TBC1D10A: variants seen among roughly 807,000 people sequenced by gnomAD.
The protein encoded by TBC1D10A is TBC1 domain family member 10A.
TBC1D10A carries 24 observed loss-of-function variants against 52.9 expected under a neutral mutation model. That is an observed-to-expected ratio of 0.45 (90% CI 0.33 to 0.64). The LOEUF is 0.64. Ranked by LOEUF, TBC1D10A falls within the 30% of genes least tolerant of loss-of-function variation. The pLI is 0.02. For synonymous variants in TBC1D10A, 278 were observed against 282.9 expected, an observed-to-expected ratio of 0.98 and a Z score of 0.17; for missense variants, 602 against 687.9, an observed-to-expected ratio of 0.88 and a Z score of 1.40.
intron 1 of TBC1D10A, among the ~76,000 whole-genome samples, chr22:30,318,001 A>G (rs1271906433): frequency 6.6e-6 from 1 of 152,082 alleles, no homozygotes; most frequent in Non-Finnish European, 1.5e-5. Context: ...CATCACTGAC[A>G]CTCTGACCCT....
chr22:30,298,711 T>TC (rs35696453), intron 3 of TBC1D10A: 9 of 152,140 alleles, frequency 5.9e-5, no homozygotes, highest in Non-Finnish European at 8.8e-5. Context: ...TCCCCATAGT[T>TC]CCCTGGGGGA....
At chr22:30,293,080 C>T (rs927320517) in intron 8 of TBC1D10A, 8 of 621,284 alleles carry the variant, frequency 1.3e-5, no homozygotes, top group Non-Finnish European at 2.3e-5. Flanking sequence ...AAGCTGCCCA[C>T]AGCTTCACGA....
intron 1 of TBC1D10A, among the ~76,000 whole-genome samples, chr22:30,324,606 C>G (rs775215280): frequency 2.0e-5 from 3 of 152,176 alleles, no homozygotes; most frequent in Non-Finnish European, 4.4e-5. Flanking sequence ...ACTCTGCCCA[C>G]AAATACCAGA....
chr22:30,293,750 G>A lies in TBC1D10A; in HGVS notation c.951C>T (p.Ser317=). 2 of 1,613,158 alleles carry A rather than the reference G, an allele frequency of 1.2e-6. No individual in the cohort carries two copies. Among genetic ancestry groups the A allele is most frequent in the Non-Finnish European group, 1.7e-6 (2 of 1,179,612 alleles). Reference sequence around the variant, plus strand: ...CCTGGCAGGCTTTGACCTTCTCAGGGGAGCCCAGCGCGTGCTTCAGCAGCA... The same window carrying A: ...CCTGGCAGGCTTTGACCTTCTCAGGAGAGCCCAGCGCGTGCTTCAGCAGCA... ...GLVLLKHALG[S]PEKVKACQGQ... is the part of the protein sequence containing the mutation. The change falls in exon 8 of 9, where the codon TCC becomes TCT. Residue 317 remains serine (S), a synonymous_variant. Transcript: ENST00000215790.
At chr22:30,322,984 T>TC (rs1930690058) in intron 1 of TBC1D10A, among the ~76,000 whole-genome samples, 1 of 148,380 alleles carries the variant, frequency 6.7e-6, no homozygotes, top group Non-Finnish European at 1.5e-5. Flanking sequence ...TACTGCAACC[T>TC]CCACCTCCTG....
intron 3 of TBC1D10A, chr22:30,296,681 T>C (rs1243842320): frequency 6.6e-6 from 1 of 152,242 alleles, no homozygotes; most frequent in Non-Finnish European, 1.5e-5. Flanking sequence ...TTCTTGGTCA[T>C]TTGAAATGTT....
chr22:30,314,248 C>A (rs773946818), intron 1 of TBC1D10A, among the ~76,000 whole-genome samples: 5 of 152,224 alleles, frequency 3.3e-5, no homozygotes, highest in Non-Finnish European at 5.9e-5. Context: ...GCTGGGTATA[C>A]ACAGCCTTGC....
chr22:30,318,804 A>G (rs1930590307), intron 1 of TBC1D10A: 2 of 441,920 alleles, frequency 4.5e-6, no homozygotes, highest in Non-Finnish European at 4.6e-6. Flanking sequence ...ACTGCCTGCA[A>G]TCCAGCTCCT....
At chr22:30,318,692 A>T (rs1236269754) in intron 1 of TBC1D10A, 2 of 471,202 alleles carry the variant, frequency 4.2e-6, no homozygotes, top group Admixed American at 4.7e-5. Context: ...TCATGAACCA[A>T]GCACTAATGA....
chr22:30,294,094 T>G lies in TBC1D10A; in HGVS notation c.722A>C (p.Asp241Ala). The G allele has an allele frequency of 1.2e-6, 2 of 1,613,658 alleles. No individual in the cohort carries two copies. The highest frequency in any genetic ancestry group is 1.7e-6 in the Non-Finnish European group (2 of 1,179,906). The change falls in exon 7 of 9, where the codon GAC becomes GCC. Residue 241 changes from aspartate (D) to alanine (A), a missense_variant. This residue lies in a region of TBC1D10A where 136 missense variants were observed against 208.4 expected (regional missense o/e 0.65). Coordinates refer to ENST00000215790, the MANE Select transcript of TBC1D10A (RefSeq NM_031937.3). Reference sequence around the variant, plus strand: ...CAACAGCGAGAAAAGGATCTCCCCGTCCAGCTGGATCGCCTCCTAGGGAGA... The same window carrying G: ...CAACAGCGAGAAAAGGATCTCCCCGGCCAGCTGGATCGCCTCCTAGGGAGA... ...YSEKLEAIQL[D>A]GEILFSLLQK...
rs538612312 is a variant in TBC1D10A, at chr22:30,294,694, G to T, written c.705+102C>A. The T allele has an allele frequency of 2.0e-6, 3 of 1,511,194 alleles. No individual in the cohort carries two copies. The East Asian group carries it at 6.9e-5, about 35-fold the overall frequency. 93.6% of individuals were successfully genotyped at this position (1,511,194 alleles called of 1,614,324 possible). ...TTCAGCCTCAAGGCAACAGAAGGCC[G>T]GAAAGTTTTTAACCTGGGCAGGAGT... On this transcript the variant is annotated intron_variant, in intron 6 of 8. Coordinates refer to ENST00000215790, the MANE Select transcript of TBC1D10A (RefSeq NM_031937.3).
intron 1 of TBC1D10A, among the ~76,000 whole-genome samples, chr22:30,322,538 A>G (rs1930676867): frequency 6.8e-6 from 1 of 147,630 alleles, no homozygotes. Context: ...GGTTTCTCAC[A>G]GGCCTCCAGT....
chr22:30,321,727 G>C (rs1930656004), intron 1 of TBC1D10A, among the ~76,000 whole-genome samples: 1 of 152,118 alleles, frequency 6.6e-6, no homozygotes, highest in African/African-American at 2.4e-5. Flanking sequence ...CTCAGCCTCA[G>C]GAGGCCAGAC....
At chr22:30,293,234 AG>A (rs1157191762) in intron 8 of TBC1D10A, 2 of 614,736 alleles carry the variant, frequency 3.3e-6, no homozygotes, top group Middle Eastern at 2.6e-4. Flanking sequence ...GGTGACTTTA[AG>A]GGGAGTTGCT....
At chr22:30,309,389 CT>C (rs1930381834) in intron 1 of TBC1D10A, among the ~76,000 whole-genome samples, 1 of 152,124 alleles carries the variant, frequency 6.6e-6, no homozygotes, top group Non-Finnish European at 1.5e-5. Context: ...CCACACCCAG[CT>C]AATTTTTGTA....
rs61730760 is a variant in TBC1D10A, at chr22:30,292,499, T to C, written c.1403A>G (p.His468Arg). Residue 468 changes from histidine to arginine, a missense_variant, in exon 9 of 9, where the codon CAT becomes CGT. Coordinates refer to ENST00000215790, the MANE Select transcript of TBC1D10A (RefSeq NM_031937.3). ...AAAGDACPPQHVPPKDSAPKD... is the reference protein window; with the variant it reads ...AAAGDACPPQRVPPKDSAPKD... ...GGGGGCTGAGTCCTTCGGGGGCACA[T>C]GCTGTGGGGGACATGCATCTCCTGC... The C allele has an allele frequency of 0.01, 16,808 of 1,609,336 alleles. 110 individuals are homozygous for C. The highest frequency in any genetic ancestry group is 0.013 in the Non-Finnish European group (15,158 of 1,177,806).
intron 1 of TBC1D10A, among the ~76,000 whole-genome samples, chr22:30,316,535 C>T (rs2145782088): frequency 6.6e-6 from 1 of 152,030 alleles, no homozygotes. Flanking sequence ...TCACTGTAGC[C>T]TTGATTTCCC....
chr22:30,320,514 C>T (rs1930630671), intron 1 of TBC1D10A, among the ~76,000 whole-genome samples: 5 of 152,170 alleles, frequency 3.3e-5, no homozygotes. Context: ...GTTCTAGTCC[C>T]AGTTCTGCCA....
chr22:30,299,973 A>T (rs913129240), intron 2 of TBC1D10A, among the ~76,000 whole-genome samples: 1 of 151,944 alleles, frequency 6.6e-6, no homozygotes, highest in African/African-American at 2.4e-5. Flanking sequence ...CTCAAAAAAA[A>T]AAAAAGGACT....
Sources: allele counts gnomAD v4.1 joint callset (sites outside exome capture counted in the v4.1 genomes callset), GRCh38; gene constraint gnomAD v4.1.1; regional missense constraint gnomAD v4.1.1; transcripts MANE v1.5; gene names NCBI Gene and HGNC (gene_info 2026-07-23, HGNC 2026-07-21).